The following ACTA2 variants were observed in gnomAD, a reference collection of about 807,000 sequenced individuals.
ACTA2 encodes the protein actin, aortic smooth muscle.
In ACTA2, 12 loss-of-function variants were observed where a neutral mutation model predicts 39.5. The observed-to-expected ratio is 0.30, with a 90% CI of 0.19 to 0.49. ACTA2 has a LOEUF of 0.49. Ranked by LOEUF, ACTA2 falls within the 20% of genes least tolerant of loss-of-function variation. The probability of loss-of-function intolerance (pLI) is 0.99; values close to 1 mark genes in which losing one functional copy is unlikely to be tolerated. For synonymous variants in ACTA2, 158 were observed against 180.6 expected (o/e 0.88, Z 1.00); for missense variants, 236 against 498.8 (o/e 0.47, Z 5.02).
At chr10:88,985,920 T>C (rs1398317649) in intron 1 of ACTA2, among the ~76,000 whole-genome samples, 7 of 152,336 alleles carry the variant, frequency 4.6e-5, no homozygotes, top group South Asian at 4.1e-4. Context: ...CAATTTTTAT[T>C]GGCATGCAGG....
At chr10:88,953,026 C>T (rs1226093673), upstream of ACTA2, among the ~76,000 whole-genome samples, 2 of 152,262 alleles carry the variant, frequency 1.3e-5, no homozygotes, top group African/African-American at 4.8e-5. Context: ...GCCTTCAGAA[C>T]AACTGCAGAA....
chr10:88,935,644 A>G, intron 8 of ACTA2: 1 of 386,498 alleles, frequency 2.6e-6, no homozygotes, highest in Non-Finnish European at 4.9e-6. Context: ...GTTGGCTCCA[A>G]ATCCAGCCAT....
intron 8 of ACTA2, 193 bp from the exon 9 acceptor site, chr10:88,935,559 T>C (rs1366617828): frequency 1.9e-5 from 11 of 585,406 alleles, no homozygotes. Flanking sequence ...GAGCCATGGA[T>C]TTAGAAATTC....
At chr10:88,985,532 C>T (rs1250814505) in intron 1 of ACTA2, among the ~76,000 whole-genome samples, 4 of 152,210 alleles carry the variant, frequency 2.6e-5, no homozygotes, top group African/African-American at 9.7e-5. Flanking sequence ...ATTCCACATT[C>T]TCTTTCTATC....
chr10:88,988,443 T>TTTTTTTTTTTTTTTTTTTTTTTA (rs1554846019), intron 1 of ACTA2, among the ~76,000 whole-genome samples: 2 of 142,370 alleles, frequency 1.4e-5, no homozygotes, highest in Non-Finnish European at 1.5e-5. Context: ...TTTTGTTTTT[T>TTTTTTTTTTTTTTTTTTTTTTTA]ATCTTAACTC....
Position 88,942,252 on chromosome 10 carries a change from A to G in ACTA2, c.370-383T>C, listed in dbSNP as rs543785433. Among the ~76,000 whole-genome samples the G allele has an allele frequency of 2.0e-5, 3 of 152,218 alleles. No homozygotes were observed. The East Asian group carries it at 5.8e-4, about 29-fold the overall frequency. Reference sequence around the variant, plus strand: ...GAGTTTGGACTAAATGAGATCTCCCATTTTTCCAGTGCAGACATCCTAGGG... The same window carrying G: ...GAGTTTGGACTAAATGAGATCTCCCGTTTTTCCAGTGCAGACATCCTAGGG... On this transcript the variant is annotated intron_variant, in intron 4 of 8. Transcript: ENST00000224784.
intron 1 of ACTA2, among the ~76,000 whole-genome samples, chr10:88,967,942 C>G (rs1450547272): frequency 1.3e-5 from 2 of 152,114 alleles, no homozygotes; most frequent in Non-Finnish European, 2.9e-5. Context: ...GTATGATTAT[C>G]ATACTTCAAG....
chr10:88,953,215 C>T (rs80007773), upstream of ACTA2, among the ~76,000 whole-genome samples: 1,717 of 152,270 alleles, frequency 0.011, 24 homozygotes, highest in African/African-American at 0.035. Context: ...CCTTCTACCA[C>T]GGTAGCATGC....
At chr10:88,939,357 G>A (rs1324678532) in intron 7 of ACTA2, 150 bp downstream of exon 7, 11 of 1,009,768 alleles carry the variant, frequency 1.1e-5, no homozygotes, top group South Asian at 9.1e-5. Context: ...ATGTCTTCTC[G>A]CCTTGAAAAT....
chr10:88,971,921 T>C lies in ACTA2; in HGVS notation c.-24+19018A>G, dbSNP rs1846455579. On this transcript the variant is annotated intron_variant, in intron 1 of 4. Transcript: ENST00000415557. ...CTGTCCAAGGGGACTACTTTTTTTT[T>C]TTTTTTTAGATGGAGTCTTGCTCTG... is the stretch of plus-strand genomic sequence containing the variant. Among the ~76,000 whole-genome samples, 3 of 151,998 alleles carry C rather than the reference T, an allele frequency of 2.0e-5. No homozygotes were observed. In the South Asian group the frequency reaches 6.2e-4, roughly 32 times the overall value.
chr10:88,975,643 T>A (rs1244140310), intron 1 of ACTA2, among the ~76,000 whole-genome samples: 1 of 139,138 alleles, frequency 7.2e-6, no homozygotes, highest in African/African-American at 2.8e-5. Context: ...GAGAGTAGGA[T>A]TTTTTTTTTT....
At chr10:88,969,222 G>A (rs1846378947) in intron 1 of ACTA2, among the ~76,000 whole-genome samples, 1 of 152,140 alleles carries the variant, frequency 6.6e-6, no homozygotes, top group African/African-American at 2.4e-5. Flanking sequence ...CATAGGATCA[G>A]CATAGATTTC....
chr10:88,952,249 G>T lies in ACTA2; in HGVS notation c.-24+482C>A, dbSNP rs78437058. Reference sequence around the variant, plus strand: ...ATACACAAATTCAGGCACAATCAAAGACTAGGCAACTATTCTTCTGTTCAC... The same window carrying T: ...ATACACAAATTCAGGCACAATCAAATACTAGGCAACTATTCTTCTGTTCAC... On this transcript the variant is annotated intron_variant, in intron 1 of 8. Coordinates refer to ENST00000224784, the MANE Select transcript of ACTA2 (RefSeq NM_001613.4). Among the ~76,000 whole-genome samples, 109 of 152,292 alleles carry T rather than the reference G, an allele frequency of 7.2e-4. No individual in the cohort carries two copies. The East Asian group carries it at 0.019, about 27-fold the overall frequency.
chr10:88,938,071 A>G lies in ACTA2; in HGVS notation c.980T>C (p.Met327Thr), dbSNP rs199514403. 3 of 1,613,878 alleles carry G rather than the reference A, an allele frequency of 1.9e-6. No homozygotes were observed. The highest frequency in any genetic ancestry group is 2.5e-6 in the Non-Finnish European group (3 of 1,179,892). The change falls in exon 8 of 9, where the codon ATG (methionine) becomes ACG (threonine). Residue 327 changes from methionine (M) to threonine (T), a missense_variant. Met to Thr is a moderately conservative substitution (Grantham distance 81). Transcript: ENST00000224784. ...KEITALAPST[M>T]KIKIIAPPER... ...GTCACTGAACAGTACCTTGATCTTC[A>G]TGGTGCTGGGTGCTAGGGCCGTGAT... is the stretch of plus-strand genomic sequence containing the variant.
At chr10:88,945,407 A>C (rs1482098744) in intron 3 of ACTA2, among the ~76,000 whole-genome samples, 1 of 152,222 alleles carries the variant, frequency 6.6e-6, no homozygotes, top group Non-Finnish European at 1.5e-5. Context: ...TTTAAGTGAT[A>C]AATTGTGTGC....
intron 1 of ACTA2, among the ~76,000 whole-genome samples, chr10:88,962,423 A>T (rs1300772931): frequency 6.6e-6 from 1 of 152,180 alleles, no homozygotes; most frequent in Non-Finnish European, 1.5e-5. Flanking sequence ...ATGAAATGTC[A>T]TCAAGGATTA....
At chr10:88,939,004 G>A (rs1845799094) in intron 7 of ACTA2, among the ~76,000 whole-genome samples, 1 of 152,150 alleles carries the variant, frequency 6.6e-6, no homozygotes, top group African/African-American at 2.4e-5. Flanking sequence ...CTTTATACAT[G>A]AGGAGACTAG....
chr10:88,956,865 G>T (rs980475049), upstream of ACTA2, among the ~76,000 whole-genome samples: 4 of 152,196 alleles, frequency 2.6e-5, no homozygotes. Context: ...CAGGATCAAG[G>T]TGCCAGCATC....
chr10:88,936,950 G>A (rs1376386121), intron 8 of ACTA2, among the ~76,000 whole-genome samples: 2 of 152,094 alleles, frequency 1.3e-5, no homozygotes, highest in Non-Finnish European at 2.9e-5. Context: ...ACCAAGTTTA[G>A]AGAACTAGGA....
Sources: gnomAD v4.1 joint callset for allele counts (sites outside exome capture counted in the v4.1 genomes callset) on GRCh38, gnomAD v4.1.1 for gene constraint, MANE v1.5 for transcripts, NCBI Gene and HGNC (gene_info 2026-07-23, HGNC 2026-07-21) for gene names.